Variants in CLK4 observed in about 807,000 individuals in gnomAD.
CLK4 encodes dual specificity protein kinase CLK4.
Under a neutral mutation model 64.4 loss-of-function variants are expected in CLK4, and 37 were observed. The observed-to-expected ratio is 0.57, with a 90% CI of 0.44 to 0.76. CLK4 has a LOEUF of 0.76. Ranked by LOEUF, CLK4 falls within the 30% of genes least tolerant of loss-of-function variation. The pLI is 0.00. For synonymous variants in CLK4, 175 were observed against 191.6 expected, an observed-to-expected ratio of 0.91 and a Z score of 0.72; for missense variants, 457 against 605.1, an observed-to-expected ratio of 0.76 and a Z score of 2.57.
chr5:178,619,051 CTTGA>C (rs1764668747), intron 2 of CLK4, among the ~76,000 whole-genome samples: 1 of 152,206 alleles, frequency 6.6e-6, no homozygotes, highest in Admixed American at 6.5e-5. Context: ...CTAGTGTTTA[CTTGA>C]TTAAGTGTTC....
chr5:178,608,572 C>T, intron 9 of CLK4, 114 bp from the exon 10 acceptor site: 1 of 659,458 alleles, frequency 1.5e-6, no homozygotes, highest in South Asian at 2.3e-5. Flanking sequence ...GAGAATAAGA[C>T]ACCAAATTCA....
chr5:178,604,133 C>T, intron 11 of CLK4, 199 bp from the exon 12 acceptor site: 1 of 396,996 alleles, frequency 2.5e-6, no homozygotes, highest in South Asian at 5.4e-5. Context: ...AGGTTTTAGT[C>T]TCTCAACTAA....
chr5:178,617,529 T>C lies in CLK4; in HGVS notation c.385-95A>G. The stretch of plus-strand genomic sequence containing the variant: ...ATACGCAATTCATTCAGCGGGGAGA[T>C]ATTCAGGCATTCAGATAAGCACCAG... On this transcript the variant is annotated intron_variant, in intron 3 of 12. Coordinates refer to ENST00000316308, the MANE Select transcript of CLK4 (RefSeq NM_020666.3). This position sits in a 1 kb window ranked among gnomAD's most constrained non-coding sequence, Gnocchi z 5.2. 8.9e-6 allele frequency: 11 copies of C among 1,234,158 alleles called. No individual in the cohort carries two copies. The highest frequency in any genetic ancestry group is 8.0e-6 in the Non-Finnish European group (7 of 878,644). The allele number at this position is 1,234,158 out of a possible 1,614,324, so 76.5% of individuals were successfully genotyped here.
In CLK4 at chr5:178,616,914, A is replaced by G. The variant is rs1266408800; in HGVS notation, c.510T>C (p.Phe170=). The G allele has an allele frequency of 6.2e-7, 1 of 1,613,884 alleles. No individual in the cohort carries two copies. Among genetic ancestry groups the G allele is most frequent in the Non-Finnish European group, 8.5e-7 (1 of 1,179,836 alleles). ...GATCAATGCACTCTACAACTTTGCC[A>G]AAGGCTCCTTCACCCAAAGTGTCCA... ...EIVDTLGEGA[F]GKVVECIDHG... is the part of the protein sequence containing the mutation. The change falls in exon 5 of 13, where the codon TTT becomes TTC. Residue 170 remains phenylalanine (F), a synonymous_variant. Coordinates refer to ENST00000316308, the MANE Select transcript of CLK4 (RefSeq NM_020666.3).
intron 11 of CLK4, chr5:178,604,205 C>G (rs1458422134): frequency 8.7e-6 from 2 of 230,828 alleles, no homozygotes; most frequent in African/African-American, 4.5e-5. Context: ...GGATCCAGTC[C>G]TAAAATTCTG....
rs781208038 is a variant in CLK4, at chr5:178,617,285, A to C, written c.475+59T>G. The C allele has an allele frequency of 1.5e-5, 21 of 1,392,444 alleles. No homozygotes were observed. Among genetic ancestry groups the C allele is most frequent in the African/African-American group, 1.4e-5 (1 of 70,634 alleles). The allele number at this position is 1,392,444 out of a possible 1,614,324, so 86.3% of individuals were successfully genotyped here. On this transcript the variant is annotated intron_variant, in intron 4 of 12. Transcript: ENST00000316308. This position sits in a 1 kb window ranked among gnomAD's most constrained non-coding sequence, Gnocchi z 5.2. The stretch of plus-strand genomic sequence containing the variant: ...TTCTTTAGCCCCCCGCTGACAAACT[A>C]TTCTTAAAAAGATTATTCTTTCTGC...
intron 2 of CLK4, chr5:178,620,458 G>A (rs1204583659): frequency 3.5e-6 from 1 of 285,994 alleles, no homozygotes; most frequent in Admixed American, 4.4e-5. Context: ...AAGGATGAGA[G>A]TCTCTTCAAT....
At position 178,613,455 on chromosome 5, in the gene CLK4, T is replaced by C; in HGVS notation, c.826+18A>G. 7.0e-7 allele frequency: 1 copy of C among 1,427,682 alleles called. No homozygotes were observed. The highest frequency in any genetic ancestry group is 9.3e-7 in the Non-Finnish European group (1 of 1,078,246). The allele number at this position is 1,427,682 out of a possible 1,614,324, so 88.4% of individuals were successfully genotyped here. On this transcript the variant is annotated intron_variant, in intron 7 of 12. Transcript: ENST00000316308. ...ATAAATAAATAAATAAAAATAAAGA[T>C]TTATCAAGTGTACTTACAATTTATT...
chr5:178,622,355 C>T (rs963564249), intron 2 of CLK4: 1 of 876,618 alleles, frequency 1.1e-6, no homozygotes, highest in South Asian at 5.2e-5. Flanking sequence ...TTTGGCAGAA[C>T]AAGTCTGTTA....
chr5:178,617,146 A>G lies in CLK4; in HGVS notation c.475+198T>C. 1 of 638,868 alleles carries G rather than the reference A, an allele frequency of 1.6e-6. No homozygotes were observed. Among genetic ancestry groups the G allele is most frequent in the South Asian group, 2.1e-5 (1 of 48,746 alleles). The allele number at this position is 638,868 out of a possible 1,614,324, so 39.6% of individuals were successfully genotyped here. ...GCTATCTTTCTTGCTCTAATCTCAAATTCCACTGATTATTTTGGAACTTTA... is the reference window on the plus strand; with the variant it reads ...GCTATCTTTCTTGCTCTAATCTCAAGTTCCACTGATTATTTTGGAACTTTA... On this transcript the variant is annotated intron_variant, in intron 4 of 12. Transcript: ENST00000316308. This position sits in a 1 kb window ranked among gnomAD's most constrained non-coding sequence, Gnocchi z 5.2.
chr5:178,613,324 G>A, intron 7 of CLK4, 149 bp downstream of exon 7: 1 of 394,484 alleles, frequency 2.5e-6, no homozygotes, highest in South Asian at 7.7e-5. Flanking sequence ...GGGAGGCTGA[G>A]GCAGGAAAAT....
At position 178,603,470 on chromosome 5, in the gene CLK4, A is replaced by T; in HGVS notation, c.*147T>A. On this transcript the variant is annotated 3_prime_UTR_variant, in exon 13 of 13. Coordinates refer to ENST00000316308, the MANE Select transcript of CLK4 (RefSeq NM_020666.3). ...ACCATACTTGCTTAACAAGTTAATT[A>T]TGCTATTGATACAAAACATACAATA... The T allele has an allele frequency of 2.0e-6, 1 of 488,314 alleles. No homozygotes were observed. The highest frequency in any genetic ancestry group is 3.4e-5 in the East Asian group (1 of 29,024). The allele number at this position is 488,314 out of a possible 1,614,324, so 30.2% of individuals were successfully genotyped here. A position where few individuals can be genotyped will look rare whatever the true frequency, so the allele number is the denominator to read the frequency against.
Position 178,613,597 on chromosome 5 carries a change from A to G in CLK4, c.702T>C (p.His234=), listed in dbSNP as rs2113806866. The G allele has an allele frequency of 1.2e-6, 2 of 1,610,292 alleles. No homozygotes were observed. The highest frequency in any genetic ancestry group is 1.7e-4 in the Middle Eastern group (1 of 6,034). ...CCAGTAGTTCAAACACAATACAAAC[A>G]TGACCATGATGATCAAACCATTCTA... ...QMLEWFDHHG[H]VCIVFELLGL... The change falls in exon 7 of 13, where the codon CAT becomes CAC. Residue 234 remains histidine (H), a synonymous_variant. Coordinates refer to ENST00000316308, the MANE Select transcript of CLK4 (RefSeq NM_020666.3).
In CLK4 at chr5:178,603,088, T is replaced by C. The variant is rs1260157003; in HGVS notation, c.*529A>G. 6.6e-6 allele frequency: 1 copy of C among 152,538 alleles called. No homozygotes were observed. Among genetic ancestry groups the C allele is most frequent in the Non-Finnish European group, 1.5e-5 (1 of 68,014 alleles). The allele number at this position is 152,538 out of a possible 1,614,324, so 9.4% of individuals were successfully genotyped here. A position where few individuals can be genotyped will look rare whatever the true frequency, so the allele number is the denominator to read the frequency against. ...TGGTTATCACCCTGACATCACCCAA[T>C]GAAAAAGAATACAACACTTAAAATT... On this transcript the variant is annotated 3_prime_UTR_variant, in exon 13 of 13. Coordinates refer to ENST00000316308, the MANE Select transcript of CLK4 (RefSeq NM_020666.3).
chr5:178,612,879 T>G lies in CLK4; in HGVS notation c.838A>C (p.Asn280His). 1 of 1,527,720 alleles carries G rather than the reference T, an allele frequency of 6.5e-7. No individual in the cohort carries two copies. The highest frequency in any genetic ancestry group is 9.0e-7 in the Non-Finnish European group (1 of 1,108,646). 94.6% of individuals were successfully genotyped at this position (1,527,720 alleles called of 1,614,324 possible). Residue 280 changes from asparagine (N) to histidine (H), a missense_variant, in exon 8 of 13, where the codon AAT becomes CAT. Coordinates refer to ENST00000316308, the MANE Select transcript of CLK4 (RefSeq NM_020666.3). Reference protein sequence around the residue: ...ICQSINFLHHNKLTHTDLKPE... With the variant: ...ICQSINFLHHHKLTHTDLKPE... ...TTCAGATCTGTATGGGTTAATTTATTATGATGTAAAACTACAAGAGAACAA... is the reference window on the plus strand; with the variant it reads ...TTCAGATCTGTATGGGTTAATTTATGATGATGTAAAACTACAAGAGAACAA...
In CLK4 at chr5:178,617,606, A is replaced by G; in HGVS notation, c.385-172T>C. The G allele has an allele frequency of 2.9e-6, 2 of 681,512 alleles. No homozygotes were observed. The highest frequency in any genetic ancestry group is 4.3e-6 in the Non-Finnish European group (2 of 462,656). The allele number at this position is 681,512 out of a possible 1,614,324, so 42.2% of individuals were successfully genotyped here. A position where few individuals can be genotyped will look rare whatever the true frequency, so the allele number is the denominator to read the frequency against. ...TCAAATTCAGTCCCCAGAAATTCAC[A>G]GGGCACAGTTTATGTTACAGAAGAA... On this transcript the variant is annotated intron_variant, in intron 3 of 12. Coordinates refer to ENST00000316308, the MANE Select transcript of CLK4 (RefSeq NM_020666.3). This position sits in a 1 kb window ranked among gnomAD's most constrained non-coding sequence, Gnocchi z 5.2.
At chr5:178,625,762 G>A (rs1581713228) in intron 1 of CLK4, among the ~76,000 whole-genome samples, 2 of 152,182 alleles carry the variant, frequency 1.3e-5, no homozygotes, top group African/African-American at 4.8e-5. Context: ...TCCGTTGTGA[G>A]AGTCCAAAAT....
chr5:178,616,670 C>T (rs1214679932), intron 5 of CLK4, among the ~76,000 whole-genome samples: 2 of 152,090 alleles, frequency 1.3e-5, no homozygotes, highest in Non-Finnish European at 2.9e-5. Context: ...GTGGCAGGCT[C>T]CTGTAATCCC....
rs561275391 is a variant in CLK4 at position 178,622,998 on chromosome 5, T to C, written c.161+258A>G. 3.6e-4 allele frequency: 148 copies of C among 411,800 alleles called. 1 individual carries two copies. Among genetic ancestry groups the C allele is most frequent in the Non-Finnish European group, 5.7e-4 (130 of 228,320 alleles). 25.5% of individuals were successfully genotyped at this position (411,800 alleles called of 1,614,324 possible). ...GGCAGTTGGGACTCACCATGTTATT[T>C]AATACATTTCACATTCACTTACTGA... On this transcript the variant is annotated intron_variant, in intron 2 of 12. Coordinates refer to ENST00000316308, the MANE Select transcript of CLK4 (RefSeq NM_020666.3).
Sources: gnomAD v4.1 joint callset for allele counts (sites outside exome capture counted in the v4.1 genomes callset) on GRCh38, gnomAD v4.1.1 for gene constraint, Gnocchi (gnomAD v3.1) non-coding constraint, MANE v1.5 for transcripts, NCBI Gene and HGNC (gene_info 2026-07-23, HGNC 2026-07-21) for gene names.